CTXND2: variants seen among roughly 807,000 people sequenced by gnomAD.
The protein encoded by CTXND2 is cortexin domain containing 2.
At chr1:150,897,977 C>A (rs1187388470) in intron 1 of CTXND2, among the ~76,000 whole-genome samples, 3 of 152,166 alleles carry the variant, frequency 2.0e-5, no homozygotes, top group African/African-American at 7.2e-5. Flanking sequence ...AACTCTTTAC[C>A]AAACAAGATT....
At chr1:150,910,807 T>C in intron 1 of CTXND2, among the ~76,000 whole-genome samples, 1 of 150,354 alleles carries the variant, frequency 6.7e-6, no homozygotes, top group African/African-American at 2.4e-5. Context: ...AATTTTTGTA[T>C]TTTTTTTTAT....
intron 1 of CTXND2, among the ~76,000 whole-genome samples, chr1:150,902,522 C>T (rs919803538): frequency 2.5e-4 from 38 of 152,030 alleles, no homozygotes; most frequent in Admixed American, 5.2e-4. Flanking sequence ...AAACCAAGAT[C>T]GTGCCACTGC....
At chr1:150,908,965 C>T (rs935849690) in intron 1 of CTXND2, among the ~76,000 whole-genome samples, 5 of 151,548 alleles carry the variant, frequency 3.3e-5, no homozygotes, top group Admixed American at 6.6e-5. Context: ...GTTGGCTGGG[C>T]GCAGTGGGTC....
rs1669048396 is a variant in CTXND2 at position 150,902,103 on chromosome 1, TA to T, written c.-73-10134del. 3.9e-5 allele frequency among the ~76,000 whole-genome samples: 6 copies of T among 152,010 alleles called. No homozygotes were observed. In the South Asian group the frequency reaches 1.2e-3, roughly 32 times the overall value. ...CAACATGGTGAAACTCCGTCTCTAC[TA>T]AAAATACAAAAATTTGGCTGGGCGC... On this transcript the variant is annotated intron_variant, in intron 1 of 1. Transcript: ENST00000636087.
intron 1 of CTXND2, among the ~76,000 whole-genome samples, chr1:150,896,223 A>C (rs1350727905): frequency 6.6e-6 from 1 of 152,240 alleles, no homozygotes; most frequent in Non-Finnish European, 1.5e-5. Flanking sequence ...GATTAAATCA[A>C]CATAGAAGAA....
intron 1 of CTXND2, among the ~76,000 whole-genome samples, chr1:150,899,794 A>G (rs2102597884): frequency 6.6e-6 from 1 of 152,248 alleles, no homozygotes; most frequent in South Asian, 2.1e-4. Flanking sequence ...TGTCTCTACT[A>G]AAAATACAAA....
Position 150,904,151 on chromosome 1 carries a change from AT to A in CTXND2, c.-73-8089del, listed in dbSNP as rs1335829087. Reference sequence around the variant, plus strand: ...TGGAACAAAAATGATCTTTGCCGGCATTAAAAAGAAGGCAGAAAAGGCCGAC... The same window carrying A: ...TGGAACAAAAATGATCTTTGCCGGCATAAAAAGAAGGCAGAAAAGGCCGAC... On this transcript the variant is annotated intron_variant, in intron 1 of 1. Coordinates refer to ENST00000636087, the Ensembl canonical transcript of CTXND2. 26 of 651,560 alleles carry A rather than the reference AT, an allele frequency of 4.0e-5. 1 individual carries two copies. In the East Asian group the frequency reaches 8.4e-4, roughly 21 times the overall value. The allele number at this position is 651,560 out of a possible 1,614,324, so 40.4% of individuals were successfully genotyped here. A position where few individuals can be genotyped will look rare whatever the true frequency, so the allele number is the denominator to read the frequency against.
chr1:150,910,305 T>G (rs910401386), intron 1 of CTXND2, among the ~76,000 whole-genome samples: 6 of 145,844 alleles, frequency 4.1e-5, no homozygotes, highest in Non-Finnish European at 9.0e-5. Flanking sequence ...AATTTTTATA[T>G]TTTTAGTAGA....
chr1:150,904,560 G>A (rs1172227234), intron 1 of CTXND2, among the ~76,000 whole-genome samples: 1 of 152,158 alleles, frequency 6.6e-6, no homozygotes. Flanking sequence ...AACTGGTTAT[G>A]TGAATATATT....
At chr1:150,900,706 T>C (rs1340018963) in intron 1 of CTXND2, among the ~76,000 whole-genome samples, 1 of 151,938 alleles carries the variant, frequency 6.6e-6, no homozygotes, top group Non-Finnish European at 1.5e-5. Context: ...ATATATATTA[T>C]ATATGAAGGG....
chr1:150,911,681 C>A (rs1170880604), intron 1 of CTXND2, among the ~76,000 whole-genome samples: 1 of 152,092 alleles, frequency 6.6e-6, no homozygotes, highest in Non-Finnish European at 1.5e-5. Context: ...GATCTACCTG[C>A]CTTGTCCTCA....
chr1:150,906,301 AAACAAC>A (rs962344799), intron 1 of CTXND2, among the ~76,000 whole-genome samples: 11 of 152,160 alleles, frequency 7.2e-5, no homozygotes, highest in Non-Finnish European at 1.5e-4. Flanking sequence ...CCTACCTCAA[AAACAAC>A]AACAACAACA....
intron 1 of CTXND2, among the ~76,000 whole-genome samples, chr1:150,901,765 A>T (rs112702122): frequency 1.3e-5 from 2 of 151,754 alleles, no homozygotes; most frequent in Non-Finnish European, 2.9e-5. Context: ...ATACAAAAAA[A>T]AAATTAGCTG....
intron 1 of CTXND2, among the ~76,000 whole-genome samples, chr1:150,900,848 G>C (rs587727297): frequency 6.6e-6 from 1 of 152,204 alleles, no homozygotes; most frequent in Admixed American, 6.5e-5. Context: ...AAAACAATTC[G>C]AGACTGGGCA....
chr1:150,890,562 G>A (rs1571596460), intron 1 of CTXND2, among the ~76,000 whole-genome samples: 1 of 152,240 alleles, frequency 6.6e-6, no homozygotes, highest in African/African-American at 2.4e-5. Context: ...GGAGTGCAAC[G>A]GTACGTTCTT....
intron 1 of CTXND2, among the ~76,000 whole-genome samples, chr1:150,890,673 T>C (rs1424952369): frequency 6.6e-6 from 1 of 151,986 alleles, no homozygotes; most frequent in Admixed American, 6.6e-5. Flanking sequence ...CTGGCTAATT[T>C]TGTATTTTTA....
chr1:150,904,674 T>C (rs1369966964), intron 1 of CTXND2, among the ~76,000 whole-genome samples: 1 of 152,258 alleles, frequency 6.6e-6, no homozygotes, highest in Non-Finnish European at 1.5e-5. Context: ...TAGTAATGTC[T>C]ACTTTATATT....
At chr1:150,907,131 A>G (rs1048001312) in intron 1 of CTXND2, among the ~76,000 whole-genome samples, 6 of 152,234 alleles carry the variant, frequency 3.9e-5, no homozygotes, top group Admixed American at 6.5e-5. Flanking sequence ...TAAATCCTCT[A>G]TAAGATTAGG....
At chr1:150,906,894 A>C (rs1263082371) in intron 1 of CTXND2, among the ~76,000 whole-genome samples, 1 of 152,198 alleles carries the variant, frequency 6.6e-6, no homozygotes, top group African/African-American at 2.4e-5. Context: ...GGGGTCTTCA[A>C]TGACAGAAAA....
Sources: gnomAD v4.1 joint callset for allele counts (sites outside exome capture counted in the v4.1 genomes callset) on GRCh38, gnomAD v4.1.1 for gene constraint, MANE v1.5 for transcripts, NCBI Gene and HGNC (gene_info 2026-07-23, HGNC 2026-07-21) for gene names.